Variants in ETF1 observed in about 807,000 individuals in gnomAD.
ETF1 encodes eukaryotic translation termination factor 1, also known as eukaryotic peptide chain release factor subunit 1.
ETF1 carries 4 observed loss-of-function variants against 55.1 expected under a neutral mutation model. The ratio of observed to expected loss-of-function variants is 0.07; its 90% CI spans 0.04 to 0.17. The LOEUF (loss-of-function observed/expected upper bound fraction) is 0.17. Ranked by LOEUF, ETF1 falls within the 10% of genes least tolerant of loss-of-function variation. The pLI, the probability that ETF1 is intolerant of heterozygous loss-of-function variation, is 1.00. For synonymous variants in ETF1, 157 were observed against 182.3 expected (o/e 0.86, Z 1.12); for missense variants, 142 against 523.6 (o/e 0.27, Z 7.11).
chr5:138,510,925 G>A (rs1443058139), intron 8 of ETF1, 120 bp downstream of exon 8: 2 of 1,497,692 alleles, frequency 1.3e-6, no homozygotes, highest in Non-Finnish European at 1.8e-6. Flanking sequence ...CTGAAGGACT[G>A]GGGAACAATG....
At chr5:138,510,904 T>C (rs1216572210) in intron 8 of ETF1, 141 bp downstream of exon 8, 7 of 1,460,892 alleles carry the variant, frequency 4.8e-6, no homozygotes, top group Non-Finnish European at 6.3e-6. Flanking sequence ...TATGCAGGAA[T>C]GTGCTACAGA....
intron 2 of ETF1, among the ~76,000 whole-genome samples, chr5:138,535,046 G>T (rs1010339173): frequency 6.6e-6 from 1 of 150,474 alleles, no homozygotes; most frequent in Non-Finnish European, 1.5e-5. Flanking sequence ...CGCCTCTTGG[G>T]TTCAAGCGAT....
chr5:138,536,674 T>C (rs1201465518), intron 2 of ETF1, among the ~76,000 whole-genome samples: 1 of 152,218 alleles, frequency 6.6e-6, no homozygotes, highest in African/African-American at 2.4e-5. Context: ...AGCCTCTTAG[T>C]TGAACAGATC....
intron 2 of ETF1, among the ~76,000 whole-genome samples, chr5:138,536,003 T>C (rs1765914417): frequency 6.6e-6 from 1 of 151,942 alleles, no homozygotes; most frequent in Admixed American, 6.6e-5. Context: ...CATTCCATGG[T>C]TGTGTGGCAG....
rs990348199 is a variant in ETF1 at position 138,541,506 on chromosome 5, T to C, written c.86+1327A>G. The C allele has an allele frequency of 1.9e-5, 29 of 1,520,596 alleles. No homozygotes were observed. In the African/African-American group the frequency reaches 3.7e-4, roughly 19 times the overall value. 94.2% of individuals were successfully genotyped at this position (1,520,596 alleles called of 1,614,324 possible). A position where few individuals can be genotyped will look rare whatever the true frequency, so the allele number is the denominator to read the frequency against. ...CCCTAATTTATTAAGAACAAAACACTAGTAAAACCAACCTGTGAATTGGGC... is the reference window on the plus strand; with the variant it reads ...CCCTAATTTATTAAGAACAAAACACCAGTAAAACCAACCTGTGAATTGGGC... On this transcript the variant is annotated intron_variant, in intron 2 of 10. Transcript: ENST00000360541.
In ETF1 at chr5:138,538,267, GCAACCTACGCCTCCA is replaced by G. The variant is rs1166013552; in HGVS notation, c.86+4551_86+4565del. Among the ~76,000 whole-genome samples, 1,325 of 139,406 alleles carry G rather than the reference GCAACCTACGCCTCCA, an allele frequency of 9.5e-3. 44 individuals carry two copies. The highest frequency in any genetic ancestry group is 0.018 in the African/African-American group (625 of 35,156). The allele number at this position is 139,406 out of a possible 152,430, so 91.5% of individuals were successfully genotyped here. The stretch of plus-strand genomic sequence containing the variant: ...TGCAGTGGCGGAATCCCGGCTCACT[GCAACCTACGCCTCCA>G]AGGTTCAAGCATTTCTCCTGCCTCA... On this transcript the variant is annotated intron_variant, in intron 2 of 10. Transcript: ENST00000360541.
At chr5:138,517,311 C>T (rs545318178) in intron 4 of ETF1, among the ~76,000 whole-genome samples, 30 of 151,876 alleles carry the variant, frequency 2.0e-4, no homozygotes, top group African/African-American at 6.3e-4. Context: ...GCGGAGCTTG[C>T]AGTGAGCCGA....
rs768556108 is a variant in ETF1, at chr5:138,508,772, T to C, written c.1128A>G (p.Glu376=). Residue 376 remains glutamate (E), a synonymous_variant, in exon 10 of 11, where the codon GAA becomes GAG. Transcript: ENST00000360541. Reference sequence around the variant, plus strand: ...ATTTTTTATAGTTGTTAGCAAACCATTCCAACAGGGGCATGCTCTCGATAA... The same window carrying C: ...ATTTTTTATAGTTGTTAGCAAACCACTCCAACAGGGGCATGCTCTCGATAA... ...HELIESMPLL[E]WFANNYKKFG... 1.2e-6 allele frequency: 2 copies of C among 1,614,026 alleles called. No homozygotes were observed. The highest frequency in any genetic ancestry group is 4.5e-5 in the East Asian group (2 of 44,898).
chr5:138,534,917 A>G (rs987685396), intron 2 of ETF1, among the ~76,000 whole-genome samples: 4 of 100,508 alleles, frequency 4.0e-5, no homozygotes, highest in South Asian at 2.7e-4. Context: ...ATAAGGTTAT[A>G]AGGGGGGGGG....
intron 2 of ETF1, among the ~76,000 whole-genome samples, chr5:138,540,281 T>C (rs534365424): frequency 6.6e-6 from 1 of 152,278 alleles, no homozygotes; most frequent in East Asian, 1.9e-4. Flanking sequence ...AACCACTAAG[T>C]CTCACTACCT....
intron 4 of ETF1, among the ~76,000 whole-genome samples, chr5:138,517,232 G>A (rs943775081): frequency 1.3e-5 from 2 of 152,008 alleles, no homozygotes; most frequent in South Asian, 2.1e-4. Context: ...TTAGCTGGGT[G>A]TGGTGGCATG....
intron 3 of ETF1, chr5:138,517,961 G>A (rs1418025180): frequency 1.2e-6 from 1 of 844,904 alleles, no homozygotes; most frequent in Non-Finnish European, 1.4e-6. Context: ...CAGCACTCTG[G>A]GAGGCCGAGG....
At chr5:138,533,891 T>C (rs190212335) in intron 2 of ETF1, among the ~76,000 whole-genome samples, 1 of 152,166 alleles carries the variant, frequency 6.6e-6, no homozygotes, top group African/African-American at 2.4e-5. Context: ...ATCCTCACAT[T>C]AATGCCACCC....
In ETF1 at chr5:138,517,097, G is replaced by A. The variant is rs182480475; in HGVS notation, c.402+464C>T. Among the ~76,000 whole-genome samples the A allele has an allele frequency of 1.7e-3, 259 of 152,250 alleles. 4 individuals are homozygous for A. Among genetic ancestry groups the A allele is most frequent in the Non-Finnish European group, 6.5e-4 (44 of 68,002 alleles). On this transcript the variant is annotated intron_variant, in intron 4 of 10. Coordinates refer to ENST00000360541, the MANE Select transcript of ETF1 (RefSeq NM_004730.4). ...ATTATATAAAATGTCCAGGCTGGGC[G>A]GGGTTGCTCATGCCTGTAATCCTAG... is the stretch of plus-strand genomic sequence containing the variant.
intron 6 of ETF1, among the ~76,000 whole-genome samples, chr5:138,512,433 A>C (rs1764858298): frequency 6.6e-6 from 1 of 151,248 alleles, no homozygotes; most frequent in Middle Eastern, 3.4e-3. Context: ...ATCTCCAAGA[A>C]TAAATCAGAA....
chr5:138,520,341 A>C (rs982513477), intron 2 of ETF1, among the ~76,000 whole-genome samples: 1 of 152,156 alleles, frequency 6.6e-6, no homozygotes, highest in Non-Finnish European at 1.5e-5. Context: ...GAAAATCTAA[A>C]GGAAATGGGT....
chr5:138,524,655 G>A (rs1239694186), intron 2 of ETF1, among the ~76,000 whole-genome samples: 1 of 138,812 alleles, frequency 7.2e-6, no homozygotes, highest in Non-Finnish European at 1.5e-5. Context: ...TCGGCTCACT[G>A]TAGCCTCTGC....
chr5:138,540,816 G>C (rs1199613799), intron 2 of ETF1, among the ~76,000 whole-genome samples: 2 of 152,116 alleles, frequency 1.3e-5, no homozygotes, highest in African/African-American at 4.8e-5. Flanking sequence ...AAGAGGTAAA[G>C]CCTTCAAAAG....
At chr5:138,541,723 T>A in intron 2 of ETF1, 2 of 1,000,670 alleles carry the variant, frequency 2.0e-6, no homozygotes, top group Non-Finnish European at 2.5e-6. Context: ...CTAAGAATGC[T>A]CAGACATACA....
Sources: gnomAD v4.1 joint callset for allele counts (sites outside exome capture counted in the v4.1 genomes callset) on GRCh38, gnomAD v4.1.1 for gene constraint, MANE v1.5 for transcripts, NCBI Gene and HGNC (gene_info 2026-07-23, HGNC 2026-07-21) for gene names.